The following MINDY2 variants were observed in gnomAD, a reference collection of about 807,000 sequenced individuals.
MINDY2 encodes MINDY lysine 48 deubiquitinase 2, also known as ubiquitin carboxyl-terminal hydrolase MINDY-2.
A neutral mutation model predicts 68.2 loss-of-function variants in MINDY2; 52 were observed. The ratio of observed to expected loss-of-function variants is 0.76; its 90% confidence interval spans 0.61 to 0.96. The LOEUF (loss-of-function observed/expected upper bound fraction) is 0.96, where lower values mean the gene tolerates loss of function less well. Among genes scored for constraint, MINDY2 ranks in the 40% least tolerant of loss-of-function variants. The pLI is 0.00. For missense variants in MINDY2, 881 were observed against 773.4 expected (o/e 1.14, Z -1.65); for synonymous variants, 372 against 303.0 (o/e 1.23, Z -2.36).
chr15:58,796,892 T>C (rs1801937470), intron 2 of MINDY2, among the ~76,000 whole-genome samples: 1 of 152,216 alleles, frequency 6.6e-6, no homozygotes, highest in Admixed American at 6.5e-5. Context: ...CCTATCCAGC[T>C]CTTCCATATC....
chr15:58,771,602 C>T lies in MINDY2; in HGVS notation c.207C>T (p.Pro69=). The T allele has an allele frequency of 1.2e-6, 2 of 1,611,938 alleles. No homozygotes were observed. Among genetic ancestry groups the T allele is most frequent in the Non-Finnish European group, 1.7e-6 (2 of 1,179,764 alleles). The stretch of plus-strand genomic sequence containing the variant: ...GGAGCCTCCCGGACTCGGCTTCTCC[C>T]GCGGGCTCTCCTGAGGTTCCCGGAC... The part of the protein sequence containing the change: ...ARRSLPDSAS[P]AGSPEVPGPC... The change falls in exon 1 of 9, where the codon CCC becomes CCT. Residue 69 remains proline, a synonymous_variant. Transcript: ENST00000559228.
chr15:58,785,360 T>C (rs752782282), intron 1 of MINDY2, among the ~76,000 whole-genome samples: 3 of 149,494 alleles, frequency 2.0e-5, no homozygotes, highest in African/African-American at 2.5e-5. Context: ...TATTTGCTTC[T>C]AAAAAAAAAA....
intron 6 of MINDY2, among the ~76,000 whole-genome samples, chr15:58,834,873 C>A (rs2031917397): frequency 6.6e-6 from 1 of 152,212 alleles, no homozygotes; most frequent in Non-Finnish European, 1.5e-5. Context: ...GTTATAGCAA[C>A]AGCTCATTTG....
intron 6 of MINDY2, among the ~76,000 whole-genome samples, chr15:58,844,919 TAAAAA>T (rs35379834): frequency 1.5e-5 from 1 of 67,854 alleles, no homozygotes; most frequent in Admixed American, 2.0e-4. Context: ...AGACCCTGCC[TAAAAA>T]AAAAAAAAAA....
chr15:58,852,362 A>T (rs2140872647), intron 8 of MINDY2, among the ~76,000 whole-genome samples: 1 of 151,604 alleles, frequency 6.6e-6, no homozygotes, highest in South Asian at 2.1e-4. Flanking sequence ...ATTAGGTGTT[A>T]ACTCTTCAAT....
chr15:58,778,507 T>TA lies in MINDY2; in HGVS notation c.840+6280dup, dbSNP rs557835517. Among the ~76,000 whole-genome samples the TA allele has an allele frequency of 1.4e-4, 19 of 136,904 alleles. No homozygotes were observed. In the South Asian group the frequency reaches 3.7e-3, roughly 27 times the overall value. 89.8% of individuals were successfully genotyped at this position (136,904 alleles called of 152,430 possible). ...GATTAATATATTTGATTCTGTAAAATAAAAAAAAGCTTAAAAAAACAGACA... is the reference window on the plus strand; with the variant it reads ...GATTAATATATTTGATTCTGTAAAATAAAAAAAAAGCTTAAAAAAACAGACA... On this transcript the variant is annotated intron_variant, in intron 1 of 8. Transcript: ENST00000559228.
At chr15:58,822,589 T>C (rs1417990761) in intron 5 of MINDY2, among the ~76,000 whole-genome samples, 1 of 152,200 alleles carries the variant, frequency 6.6e-6, no homozygotes, top group African/African-American at 2.4e-5. Context: ...CCATTCTGGA[T>C]CAGAGTATGC....
Position 58,797,820 on chromosome 15 carries a change from T to TA in MINDY2, c.899-4492dup, listed in dbSNP as rs377655802. ...GCCATGAGTTCTGCAAATGAAGAGA[T>TA]ACAGTTGTGGTGGCAGAGAACCGAT... On this transcript the variant is annotated intron_variant, in intron 2 of 8. Coordinates refer to ENST00000559228, the MANE Select transcript of MINDY2 (RefSeq NM_001040450.3). Among the ~76,000 whole-genome samples the TA allele has an allele frequency of 5.4e-3, 815 of 152,246 alleles. 8 individuals carry two copies. Among genetic ancestry groups the TA allele is most frequent in the African/African-American group, 0.019 (780 of 41,544 alleles).
At chr15:58,826,504 C>T (rs897542283) in intron 5 of MINDY2, among the ~76,000 whole-genome samples, 25 of 152,236 alleles carry the variant, frequency 1.6e-4, no homozygotes, top group Admixed American at 1.5e-3. Flanking sequence ...GCTGGTATTA[C>T]AGACATGAGC....
intron 2 of MINDY2, 41 bp downstream of exon 2, chr15:58,788,004 A>G (rs7169205): frequency 0.17 from 241,980 of 1,403,996 alleles, 23,165 homozygotes; most frequent in South Asian, 0.34. Flanking sequence ...TTTCAAAACA[A>G]AAGTTTTCAA....
chr15:58,856,939 G>A lies in MINDY2; in HGVS notation c.*2329G>A, dbSNP rs1373814717. On this transcript the variant is annotated 3_prime_UTR_variant, in exon 9 of 9. Transcript: ENST00000559228. ...CTTAATTTGTTCCAAAGAAAATGCT[G>A]CCATACTGCATTCCCTCTGGAAGGA... 4 of 152,130 alleles carry A rather than the reference G, an allele frequency of 2.6e-5. No homozygotes were observed. The highest frequency in any genetic ancestry group is 7.2e-5 in the African/African-American group (3 of 41,410). 9.4% of individuals were successfully genotyped at this position (152,130 alleles called of 1,614,324 possible). A position where few individuals can be genotyped will look rare whatever the true frequency, so the allele number is the denominator to read the frequency against.
chr15:58,852,723 A>C (rs1398928780), intron 8 of MINDY2, among the ~76,000 whole-genome samples: 1 of 152,100 alleles, frequency 6.6e-6, no homozygotes, highest in African/African-American at 2.4e-5. Flanking sequence ...AAGAACAAAT[A>C]ATATTAGCAC....
chr15:58,858,455 A>T lies in MINDY2; in HGVS notation c.*3845A>T, dbSNP rs2033126451. 6.6e-6 allele frequency: 1 copy of T among 152,170 alleles called. No homozygotes were observed. Among genetic ancestry groups the T allele is most frequent in the South Asian group, 2.1e-4 (1 of 4,832 alleles). 9.4% of individuals were successfully genotyped at this position (152,170 alleles called of 1,614,324 possible). A position where few individuals can be genotyped will look rare whatever the true frequency, so the allele number is the denominator to read the frequency against. On this transcript the variant is annotated 3_prime_UTR_variant, in exon 9 of 9. Transcript: ENST00000559228. Reference sequence around the variant, plus strand: ...CTTCTTAGCATTTTGCTTTCAATGAATCAGAAAGTCAATTCACTAAGAGAC... The same window carrying T: ...CTTCTTAGCATTTTGCTTTCAATGATTCAGAAAGTCAATTCACTAAGAGAC...
chr15:58,817,042 A>G (rs1200704884), intron 4 of MINDY2, among the ~76,000 whole-genome samples: 5 of 152,228 alleles, frequency 3.3e-5, no homozygotes, highest in African/African-American at 1.2e-4. Flanking sequence ...TCCTGATATT[A>G]TGACATCACT....
At chr15:58,787,310 A>G (rs1901572330) in intron 1 of MINDY2, among the ~76,000 whole-genome samples, 1 of 151,732 alleles carries the variant, frequency 6.6e-6, no homozygotes, top group African/African-American at 2.4e-5. Flanking sequence ...TTTACTTCTT[A>G]ATAGTTTTAT....
At chr15:58,825,004 T>A (rs2031303564) in intron 5 of MINDY2, among the ~76,000 whole-genome samples, 1 of 152,190 alleles carries the variant, frequency 6.6e-6, no homozygotes, top group South Asian at 2.1e-4. Context: ...TGGTGTTCAG[T>A]TAAAGTAATC....
rs2140883211 is a variant in MINDY2, at chr15:58,856,370, T to C, written c.*1760T>C. On this transcript the variant is annotated 3_prime_UTR_variant, in exon 9 of 9. Coordinates refer to ENST00000559228, the MANE Select transcript of MINDY2 (RefSeq NM_001040450.3). ...GATCCAAGACCAGTTATAGGATGAA[T>C]CTGTATGTAAAAATAGAGTCTTATT... 1 of 152,734 alleles carries C rather than the reference T, an allele frequency of 6.5e-6. No individual in the cohort carries two copies. The allele number at this position is 152,734 out of a possible 1,614,324, so 9.5% of individuals were successfully genotyped here. A position where few individuals can be genotyped will look rare whatever the true frequency, so the allele number is the denominator to read the frequency against.
In MINDY2 at chr15:58,792,022, T is replaced by C. The variant is rs115051410; in HGVS notation, c.898+4059T>C. On this transcript the variant is annotated intron_variant, in intron 2 of 8. Coordinates refer to ENST00000559228, the MANE Select transcript of MINDY2 (RefSeq NM_001040450.3). Reference sequence around the variant, plus strand: ...AAGGAAGAGTGAGAGATGAGCTGAATCAAATGCTGCTAATAGCTCAGGCAG... The same window carrying C: ...AAGGAAGAGTGAGAGATGAGCTGAACCAAATGCTGCTAATAGCTCAGGCAG... 3.3e-3 allele frequency among the ~76,000 whole-genome samples: 508 copies of C among 152,188 alleles called. 2 individuals carry two copies. The highest frequency in any genetic ancestry group is 0.012 in the African/African-American group (487 of 41,532).
rs754837030 is a variant in MINDY2 at position 58,851,867 on chromosome 15, A to G, written c.1639A>G (p.Lys547Glu). ...PEGISDLELA[K>E]KLQEEEDRRA... ...AGGAATCAGTGATTTGGAACTAGCA[A>G]AGAAACTCCAAGAGGAAGAGGACAG... The change falls in exon 8 of 9, where the codon AAG becomes GAG. Residue 547 changes from lysine to glutamate, a missense_variant. Coordinates refer to ENST00000559228, the MANE Select transcript of MINDY2 (RefSeq NM_001040450.3). 1.9e-6 allele frequency: 3 copies of G among 1,613,554 alleles called. No homozygotes were observed. The highest frequency in any genetic ancestry group is 2.5e-6 in the Non-Finnish European group (3 of 1,179,808).
Sources: gnomAD v4.1 joint callset for allele counts (sites outside exome capture counted in the v4.1 genomes callset) on GRCh38, gnomAD v4.1.1 for gene constraint, MANE v1.5 for transcripts, NCBI Gene and HGNC (gene_info 2026-07-23, HGNC 2026-07-21) for gene names.